The following TM9SF3 variants were observed in gnomAD, a reference collection of about 807,000 sequenced individuals.
TM9SF3 encodes the protein SM-11044-binding protein.
TM9SF3 carries 14 observed loss-of-function variants against 78.6 expected under a neutral mutation model. The ratio of observed to expected loss-of-function variants is 0.18; its 90% CI spans 0.12 to 0.28. The LOEUF (loss-of-function observed/expected upper bound fraction) is 0.28, where lower values mean the gene tolerates loss of function less well. TM9SF3 is among the 10% of genes least tolerant of loss of function. TM9SF3 has a pLI of 1.00. For missense variants in TM9SF3, 496 were observed against 721.9 expected (o/e 0.69, Z 3.59); for synonymous variants, 231 against 241.7 (o/e 0.96, Z 0.41).
intron 1 of TM9SF3, among the ~76,000 whole-genome samples, chr10:96,583,121 G>GA (rs992317676): frequency 7.4e-5 from 11 of 149,256 alleles, no homozygotes; most frequent in East Asian, 2.0e-4. Context: ...GAAAGAAAAA[G>GA]AAAAAAAAAT....
intron 4 of TM9SF3, chr10:96,560,489 G>A: frequency 1.3e-6 from 1 of 752,172 alleles, no homozygotes; most frequent in East Asian, 2.7e-5. Context: ...TTTTATGGTT[G>A]AAGTGTGGTT....
intron 6 of TM9SF3, 117 bp from the exon 7 acceptor site, chr10:96,551,528 A>G: frequency 1.6e-6 from 1 of 625,028 alleles, no homozygotes; most frequent in Non-Finnish European, 2.5e-6. Flanking sequence ...AGCTAAAGAA[A>G]TACAAAATAT....
intron 10 of TM9SF3, among the ~76,000 whole-genome samples, chr10:96,532,583 A>G (rs1395531992): frequency 6.6e-6 from 1 of 152,210 alleles, no homozygotes; most frequent in Non-Finnish European, 1.5e-5. Flanking sequence ...CAGTACTAAA[A>G]TATCTGGAAA....
At chr10:96,539,425 G>A (rs899933624) in intron 9 of TM9SF3, among the ~76,000 whole-genome samples, 5 of 152,060 alleles carry the variant, frequency 3.3e-5, no homozygotes, top group African/African-American at 9.7e-5. Flanking sequence ...AAACAAAAAA[G>A]AATATATACT....
chr10:96,530,823 G>GTAT (rs1847886054), intron 10 of TM9SF3, among the ~76,000 whole-genome samples: 1 of 152,194 alleles, frequency 6.6e-6, no homozygotes, highest in Admixed American at 6.5e-5. Flanking sequence ...CTGCATTAAA[G>GTAT]ACTGAGACAA....
At chr10:96,578,670 T>C (rs1310194158) in intron 1 of TM9SF3, among the ~76,000 whole-genome samples, 1 of 152,220 alleles carries the variant, frequency 6.6e-6, no homozygotes, top group Non-Finnish European at 1.5e-5. Flanking sequence ...GGCCACACAA[T>C]ACTAATCAAC....
At position 96,528,066 on chromosome 10, in the gene TM9SF3, G is replaced by A. The variant is rs1429184426; in HGVS notation, c.1506C>T (p.Cys502=). 1 of 1,612,374 alleles carries A rather than the reference G, an allele frequency of 6.2e-7. No homozygotes were observed. Among genetic ancestry groups the A allele is most frequent in the Non-Finnish European group, 8.5e-7 (1 of 1,178,858 alleles). ...CIVTVCVTIV[C]TYFLLNAEDY... ...CTTCTGCATTTAGTAGAAAATATGTGCACACAATAGTCACACAGACAGTCA... is the reference window on the plus strand; with the variant it reads ...CTTCTGCATTTAGTAGAAAATATGTACACACAATAGTCACACAGACAGTCA... Residue 502 remains cysteine (C), a synonymous_variant, in exon 12 of 15, where the codon TGC becomes TGT. Coordinates refer to ENST00000371142, the MANE Select transcript of TM9SF3 (RefSeq NM_020123.4).
chr10:96,539,430 T>C (rs929443283), intron 9 of TM9SF3, among the ~76,000 whole-genome samples: 2 of 152,106 alleles, frequency 1.3e-5, no homozygotes, highest in Non-Finnish European at 2.9e-5. Context: ...AAAAAGAATA[T>C]ATACTGTATG....
chr10:96,527,327 T>A, intron 13 of TM9SF3, 38 bp from the exon 14 acceptor site: 1 of 1,597,462 alleles, frequency 6.3e-7, no homozygotes, highest in Non-Finnish European at 8.6e-7. Flanking sequence ...TATCCAGTTT[T>A]ACTTTCAACT....
chr10:96,533,022 A>C, intron 10 of TM9SF3, 29 bp downstream of exon 10: 1 of 1,612,630 alleles, frequency 6.2e-7, no homozygotes, highest in Non-Finnish European at 8.5e-7. Context: ...TGTGTGAAAC[A>C]ATCGCATAAG....
chr10:96,547,921 C>G lies in TM9SF3; in HGVS notation c.1028G>C (p.Gly343Ala). The G allele has an allele frequency of 1.2e-6, 2 of 1,613,560 alleles. No individual in the cohort carries two copies. Among genetic ancestry groups the G allele is most frequent in the Non-Finnish European group, 1.7e-6 (2 of 1,179,768 alleles). ...TCCTTGTCTAGCATACAGACTTCCT[C>G]CAAAATAACCATTCACTGGAGACGT... ...AATSPVNGYF[G>A]GSLYARQGGR... The change falls in exon 8 of 15, where the codon GGA (glycine) becomes GCA (alanine). Residue 343 changes from glycine (G) to alanine (A), a missense_variant. Transcript: ENST00000371142.
At chr10:96,545,837 T>G (rs532964806) in intron 8 of TM9SF3, among the ~76,000 whole-genome samples, 1 of 152,302 alleles carries the variant, frequency 6.6e-6, no homozygotes, top group Non-Finnish European at 1.5e-5. Flanking sequence ...TGCAGTAAGC[T>G]GAGATCGTGC....
At chr10:96,583,664 C>T (rs1848599320) in intron 1 of TM9SF3, among the ~76,000 whole-genome samples, 1 of 150,988 alleles carries the variant, frequency 6.6e-6, no homozygotes, top group Admixed American at 6.6e-5. Flanking sequence ...ATTCACTTTC[C>T]TCATCTACAA....
At chr10:96,525,129 AT>A (rs1847823280) in intron 14 of TM9SF3, among the ~76,000 whole-genome samples, 1 of 152,018 alleles carries the variant, frequency 6.6e-6, no homozygotes, top group Non-Finnish European at 1.5e-5. Flanking sequence ...TGCATAATCG[AT>A]TCTATACCTC....
At chr10:96,574,625 T>A (rs141380918) in intron 2 of TM9SF3, among the ~76,000 whole-genome samples, 2,075 of 152,316 alleles carry the variant, frequency 0.014, 33 homozygotes, top group African/African-American at 0.044. Context: ...CATACACATG[T>A]ATGTTTACTG....
At chr10:96,562,281 C>A in intron 3 of TM9SF3, 143 bp from the exon 4 acceptor site, 1 of 650,622 alleles carries the variant, frequency 1.5e-6, no homozygotes, top group South Asian at 1.9e-5. Flanking sequence ...ACTCTCCCTT[C>A]ACCTTCTGCC....
chr10:96,551,061 G>C (rs1443280454), intron 7 of TM9SF3, among the ~76,000 whole-genome samples, 184 bp downstream of exon 7: 1 of 152,084 alleles, frequency 6.6e-6, no homozygotes, highest in African/African-American at 2.4e-5. Context: ...GTTTTGGCAT[G>C]TAACAGAAAA....
chr10:96,579,898 C>A (rs1281974868), intron 1 of TM9SF3, among the ~76,000 whole-genome samples: 1 of 152,106 alleles, frequency 6.6e-6, no homozygotes, highest in African/African-American at 2.4e-5. Flanking sequence ...TTAAAAAATA[C>A]CAAAAGACTT....
intron 5 of TM9SF3, among the ~76,000 whole-genome samples, chr10:96,553,660 C>A (rs1218871262): frequency 6.6e-6 from 1 of 152,176 alleles, no homozygotes; most frequent in Non-Finnish European, 1.5e-5. Flanking sequence ...CAGATTAGTT[C>A]ATCCTCACCC....
Sources: allele counts gnomAD v4.1 joint callset (sites outside exome capture counted in the v4.1 genomes callset), GRCh38; gene constraint gnomAD v4.1.1; transcripts MANE v1.5; gene names NCBI Gene and HGNC (gene_info 2026-07-23, HGNC 2026-07-21).